ERMP1: variants seen among roughly 807,000 people sequenced by gnomAD.
The protein encoded by ERMP1 is endoplasmic reticulum metallopeptidase 1.
A neutral mutation model predicts 92.0 loss-of-function variants in ERMP1; 86 were observed. That is an observed-to-expected ratio of 0.93 (90% CI 0.79 to 1.12). The LOEUF (loss-of-function observed/expected upper bound fraction) is 1.12. Ranked by LOEUF, ERMP1 falls within the 50% of genes most tolerant of loss-of-function variation. The pLI, the probability that ERMP1 is intolerant of heterozygous loss-of-function variation, is 0.00. For missense variants in ERMP1, 1,342 were observed against 1,116.3 expected (o/e 1.20, Z -2.88); for synonymous variants, 530 against 412.8 (o/e 1.28, Z -3.44).
chr9:5,828,475 C>A (rs1168225981), intron 2 of ERMP1, among the ~76,000 whole-genome samples: 1 of 152,200 alleles, frequency 6.6e-6, no homozygotes, highest in Non-Finnish European at 1.5e-5. Context: ...GGCAACAGCA[C>A]AAAAGGAATC....
chr9:5,788,769 A>C (rs568825372), intron 13 of ERMP1, among the ~76,000 whole-genome samples: 7 of 152,306 alleles, frequency 4.6e-5, no homozygotes, highest in African/African-American at 1.7e-4. Flanking sequence ...AAATATATCC[A>C]TACAAACATT....
intron 13 of ERMP1, among the ~76,000 whole-genome samples, chr9:5,795,708 G>A (rs1431312146): frequency 1.3e-5 from 2 of 152,096 alleles, no homozygotes; most frequent in East Asian, 1.9e-4. Context: ...AACCCAGGAG[G>A]CAGAGGTTGC....
intron 13 of ERMP1, among the ~76,000 whole-genome samples, chr9:5,797,345 G>C (rs1828472334): frequency 1.3e-5 from 2 of 151,664 alleles, no homozygotes; most frequent in East Asian, 1.9e-4. Context: ...TTAAATTTTT[G>C]TTAAGAAGTC....
chr9:5,828,599 T>C (rs956884061), intron 2 of ERMP1, among the ~76,000 whole-genome samples: 11 of 152,222 alleles, frequency 7.2e-5, no homozygotes, highest in Admixed American at 2.0e-4. Context: ...AAATGTATTG[T>C]TTGGTTGAAG....
At chr9:5,866,595 A>C (rs1830671006) in intron 5 of ERMP1, among the ~76,000 whole-genome samples, 1 of 152,218 alleles carries the variant, frequency 6.6e-6, no homozygotes, top group Admixed American at 6.5e-5. Context: ...AGAACAGATG[A>C]ACTTGTAATT....
chr9:5,822,249 T>C (rs1829569666), intron 4 of ERMP1, among the ~76,000 whole-genome samples: 1 of 152,036 alleles, frequency 6.6e-6, no homozygotes, highest in Non-Finnish European at 1.5e-5. Context: ...GAGACCCTGC[T>C]TCAAAATAAA....
intron 2 of ERMP1, among the ~76,000 whole-genome samples, chr9:5,829,252 G>C (rs141892469): frequency 8.9e-4 from 135 of 151,258 alleles, no homozygotes; most frequent in African/African-American, 3.3e-3. Flanking sequence ...TAAACCACTG[G>C]TTACCCCAGC....
intron 6 of ERMP1, among the ~76,000 whole-genome samples, chr9:5,855,301 T>C (rs907578876): frequency 3.3e-5 from 5 of 152,084 alleles, no homozygotes; most frequent in African/African-American, 9.7e-5. Flanking sequence ...ACTGTGGACA[T>C]AGTCACTCCA....
At chr9:5,817,228 C>T (rs1308975758) in intron 4 of ERMP1, among the ~76,000 whole-genome samples, 1 of 151,154 alleles carries the variant, frequency 6.6e-6, no homozygotes, top group African/African-American at 2.4e-5. Flanking sequence ...CTCGCTCTGT[C>T]GTCCAGGCTG....
chr9:5,814,217 C>T (rs996778005), intron 4 of ERMP1, among the ~76,000 whole-genome samples: 4 of 152,116 alleles, frequency 2.6e-5, no homozygotes, highest in Non-Finnish European at 5.9e-5. Flanking sequence ...ATGAATAAGA[C>T]ACATGGAACA....
chr9:5,787,004 A>G lies in ERMP1; in HGVS notation c.*140T>C. On this transcript the variant is annotated 3_prime_UTR_variant, in exon 15 of 15. Coordinates refer to ENST00000339450, the MANE Select transcript of ERMP1 (RefSeq NM_024896.3). ...AAACCCTTATAGTGCTTGGCCCTGA[A>G]AAGCGTTAACCCAGAAAGCTCTTTG... 1 of 836,404 alleles carries G rather than the reference A, an allele frequency of 1.2e-6. No individual in the cohort carries two copies. The highest frequency in any genetic ancestry group is 1.8e-6 in the Non-Finnish European group (1 of 555,626). 51.8% of individuals were successfully genotyped at this position (836,404 alleles called of 1,614,324 possible). A position where few individuals can be genotyped will look rare whatever the true frequency, so the allele number is the denominator to read the frequency against.
chr9:5,844,183 G>A (rs747814683), intron 6 of ERMP1, among the ~76,000 whole-genome samples: 1 of 152,150 alleles, frequency 6.6e-6, no homozygotes, highest in Non-Finnish European at 1.5e-5. Context: ...CTTCCTTCCT[G>A]CAGCCTTCCA....
At chr9:5,831,532 TGG>T (rs1829939310) in intron 1 of ERMP1, among the ~76,000 whole-genome samples, 1 of 152,074 alleles carries the variant, frequency 6.6e-6, no homozygotes, top group South Asian at 2.1e-4. Context: ...TGCTTGAACC[TGG>T]GAGGTGGAGG....
chr9:5,820,800 G>T (rs146840035), intron 4 of ERMP1, among the ~76,000 whole-genome samples: 289 of 152,306 alleles, frequency 1.9e-3, no homozygotes, highest in African/African-American at 6.7e-3. Context: ...TCCAAACCCA[G>T]GAGGGCCTTT....
chr9:5,819,697 T>G (rs1313313069), intron 4 of ERMP1, among the ~76,000 whole-genome samples: 1 of 152,190 alleles, frequency 6.6e-6, no homozygotes, highest in Non-Finnish European at 1.5e-5. Context: ...AATACCATCT[T>G]CTTTGAGAGT....
At chr9:5,794,978 C>G (rs1478184366) in intron 13 of ERMP1, among the ~76,000 whole-genome samples, 1 of 152,134 alleles carries the variant, frequency 6.6e-6, no homozygotes, top group African/African-American at 2.4e-5. Context: ...CTCTCATGAA[C>G]ATAGATGCAA....
At position 5,787,511 on chromosome 9, in the gene ERMP1, G is replaced by T; in HGVS notation, c.2469C>A (p.Val823=). The part of the protein sequence containing the change: ...SQWSLGNGTP[V]TSKGGDYFVF... ...CAAAGTAGTCTCCTCCTTTACTTGT[G>T]ACTGGGGTGCCATTGCCAAGAGACC... The change falls in exon 14 of 15, where the codon GTC becomes GTA. Residue 823 remains valine, a synonymous_variant. Transcript: ENST00000339450. The T allele has an allele frequency of 6.2e-7, 1 of 1,614,100 alleles. No individual in the cohort carries two copies. The highest frequency in any genetic ancestry group is 1.1e-5 in the South Asian group (1 of 91,036).
chr9:5,827,841 G>T (rs998430674), intron 2 of ERMP1, among the ~76,000 whole-genome samples: 31 of 151,458 alleles, frequency 2.0e-4, no homozygotes, highest in Non-Finnish European at 5.9e-5. Context: ...CGCAAGGCAT[G>T]GTGGTGGGCG....
At chr9:5,850,179 G>C (rs888713046) in intron 6 of ERMP1, among the ~76,000 whole-genome samples, 3 of 152,014 alleles carry the variant, frequency 2.0e-5, no homozygotes, top group African/African-American at 7.3e-5. Context: ...TACCCTGAGT[G>C]CTTGCTAGAA....
Sources: gnomAD v4.1 joint callset for allele counts (sites outside exome capture counted in the v4.1 genomes callset) on GRCh38, gnomAD v4.1.1 for gene constraint, MANE v1.5 for transcripts, NCBI Gene and HGNC (gene_info 2026-07-23, HGNC 2026-07-21) for gene names.